Variants in WDHD1 observed in about 807,000 individuals in gnomAD.
The protein encoded by WDHD1 is WD repeat and HMG-box DNA-binding protein 1.
Under a neutral mutation model 135.4 loss-of-function variants are expected in WDHD1, and 111 were observed. The ratio of observed to expected loss-of-function variants is 0.82; its 90% confidence interval spans 0.70 to 0.96. The LOEUF (loss-of-function observed/expected upper bound fraction) is 0.96, where lower values mean the gene tolerates loss of function less well. Among genes scored for constraint, WDHD1 ranks in the 40% least tolerant of loss-of-function variants. WDHD1 has a pLI of 0.00. For missense variants in WDHD1, 1,351 were observed against 1,336.3 expected (o/e 1.01, Z -0.17); for synonymous variants, 434 against 439.0 (o/e 0.99, Z 0.14).
In WDHD1 at chr14:54,962,780, C is replaced by G; in HGVS notation, c.2605G>C (p.Gly869Arg). Residue 869 changes from glycine (G) to arginine (R), a missense_variant, in exon 20 of 26, where the codon GGA becomes CGA. Around this residue, in one of 2 missense-constraint regions of WDHD1, gnomAD observed 1,330 missense variants for 1,296.1 expected, o/e 1.03. Transcript: ENST00000360586. ...GGTTTTTCTTCATCATCAGCTTCTCCACTGTCCTCAGCATCTTCTTCAACT... is the reference window on the plus strand; with the variant it reads ...GGTTTTTCTTCATCATCAGCTTCTCGACTGTCCTCAGCATCTTCTTCAACT... ...NQVEEDAEDS[G>R]EADDEEKPEI... The G allele has an allele frequency of 6.2e-7, 1 of 1,613,788 alleles. No homozygotes were observed. Among genetic ancestry groups the G allele is most frequent in the Non-Finnish European group, 8.5e-7 (1 of 1,180,006 alleles).
chr14:55,012,967 A>C (rs1005955731), intron 3 of WDHD1, among the ~76,000 whole-genome samples: 2 of 152,162 alleles, frequency 1.3e-5, no homozygotes, highest in Non-Finnish European at 2.9e-5. Context: ...CCCTTAAAGG[A>C]AAAAAGGGAA....
intron 2 of WDHD1, among the ~76,000 whole-genome samples, chr14:55,018,064 T>G (rs971988941): frequency 1.3e-5 from 2 of 152,180 alleles, no homozygotes; most frequent in African/African-American, 4.8e-5. Context: ...CAGGACATAC[T>G]TTCTCCCTCT....
chr14:54,989,524 T>C (rs2041750270), intron 12 of WDHD1, among the ~76,000 whole-genome samples: 1 of 152,164 alleles, frequency 6.6e-6, no homozygotes, highest in Non-Finnish European at 1.5e-5. Flanking sequence ...AGTTGTCCTT[T>C]GAACAACCAA....
At chr14:54,948,628 G>A (rs1278625924) in intron 24 of WDHD1, among the ~76,000 whole-genome samples, 2 of 152,212 alleles carry the variant, frequency 1.3e-5, no homozygotes, top group African/African-American at 4.8e-5. Context: ...AAATGTCCCT[G>A]TCTGACAGCT....
intron 16 of WDHD1, among the ~76,000 whole-genome samples, chr14:54,968,538 AAAG>A (rs2041381003): frequency 6.6e-6 from 1 of 152,186 alleles, no homozygotes. Context: ...AATTGAGACT[AAAG>A]AATCCATACA....
At chr14:55,017,370 C>A (rs981147227) in intron 2 of WDHD1, among the ~76,000 whole-genome samples, 3 of 151,682 alleles carry the variant, frequency 2.0e-5, no homozygotes, top group Non-Finnish European at 2.9e-5. Context: ...TGAAACAGGG[C>A]CTTGCTCTGT....
chr14:54,951,122 G>C (rs1297884930), intron 24 of WDHD1, among the ~76,000 whole-genome samples: 1 of 152,078 alleles, frequency 6.6e-6, no homozygotes, highest in South Asian at 2.1e-4. Flanking sequence ...TCAAAAGCTA[G>C]CAGAAGGCAA....
intron 25 of WDHD1, among the ~76,000 whole-genome samples, chr14:54,944,044 T>A (rs1285133029): frequency 6.6e-6 from 1 of 152,082 alleles, no homozygotes; most frequent in Non-Finnish European, 1.5e-5. Context: ...CTTTAAAAAG[T>A]TTGGTGGATG....
intron 3 of WDHD1, 147 bp downstream of exon 3, chr14:55,013,338 G>A: frequency 1.9e-6 from 1 of 538,810 alleles, no homozygotes; most frequent in Non-Finnish European, 3.2e-6. Context: ...AAATGGTAGG[G>A]CAAGTTACGG....
chr14:55,004,482 T>G (rs2042031295), intron 7 of WDHD1, among the ~76,000 whole-genome samples: 1 of 152,186 alleles, frequency 6.6e-6, no homozygotes, highest in Non-Finnish European at 1.5e-5. Flanking sequence ...AGATAGAGTC[T>G]CGCTCTATCA....
intron 7 of WDHD1, among the ~76,000 whole-genome samples, chr14:55,004,206 G>T (rs2042025836): frequency 6.6e-6 from 1 of 151,984 alleles, no homozygotes; most frequent in South Asian, 2.1e-4. Context: ...CCACTTCCTG[G>T]TATTCATATC....
At chr14:55,011,998 TA>T (rs984335100) in intron 3 of WDHD1, among the ~76,000 whole-genome samples, 253 of 145,778 alleles carry the variant, frequency 1.7e-3, no homozygotes, top group East Asian at 1.4e-3. Flanking sequence ...CAATTTGCTC[TA>T]AAAAAAAAAA....
chr14:54,955,990 C>A (rs961634524), intron 23 of WDHD1, among the ~76,000 whole-genome samples: 1 of 150,820 alleles, frequency 6.6e-6, no homozygotes, highest in Non-Finnish European at 1.5e-5. Context: ...CTCCACCCTC[C>A]GAGTTCAAGT....
chr14:55,015,118 G>C (rs1321267145), intron 2 of WDHD1, among the ~76,000 whole-genome samples: 1 of 152,094 alleles, frequency 6.6e-6, no homozygotes, highest in Non-Finnish European at 1.5e-5. Context: ...TGTCCAACTG[G>C]CCTGGCATTG....
chr14:54,972,059 TC>T (rs1211599586), intron 16 of WDHD1, among the ~76,000 whole-genome samples: 22 of 150,692 alleles, frequency 1.5e-4, no homozygotes, highest in Admixed American at 1.4e-3. Context: ...GATCACGAGG[TC>T]AGGAAATCGA....
chr14:54,991,875 T>C (rs1030326613), intron 11 of WDHD1, among the ~76,000 whole-genome samples: 3 of 152,204 alleles, frequency 2.0e-5, no homozygotes, highest in Admixed American at 6.5e-5. Context: ...AATTGGATCT[T>C]TGGCAAACAT....
intron 11 of WDHD1, 124 bp downstream of exon 11, chr14:54,995,479 T>C: frequency 1.5e-6 from 1 of 683,750 alleles, no homozygotes; most frequent in Non-Finnish European, 2.2e-6. Context: ...TTTAATGCTA[T>C]AAAATTTCCT....
At chr14:55,018,665 T>C (rs2042297295) in intron 2 of WDHD1, among the ~76,000 whole-genome samples, 1 of 152,166 alleles carries the variant, frequency 6.6e-6, no homozygotes, top group African/African-American at 2.4e-5. Flanking sequence ...CCATTTCAAT[T>C]AAAACAAATT....
chr14:54,962,217 A>C (rs575622979), intron 21 of WDHD1, among the ~76,000 whole-genome samples: 2 of 152,350 alleles, frequency 1.3e-5, no homozygotes, highest in Non-Finnish European at 2.9e-5. Context: ...CTGTCTTCTC[A>C]GCTGGGCTAA....
Sources: allele counts gnomAD v4.1 joint callset (sites outside exome capture counted in the v4.1 genomes callset), GRCh38; gene constraint gnomAD v4.1.1; regional missense constraint gnomAD v4.1.1; transcripts MANE v1.5; gene names NCBI Gene and HGNC (gene_info 2026-07-23, HGNC 2026-07-21).